The following RELN variants were observed in gnomAD, a reference collection of about 807,000 sequenced individuals.
The protein encoded by RELN is reelin.
RELN carries 108 observed loss-of-function variants against 427.6 expected under a neutral mutation model. The ratio of observed to expected loss-of-function variants is 0.25; its 90% CI spans 0.22 to 0.30. RELN has a LOEUF of 0.30. Among genes scored for constraint, RELN ranks in the 10% least tolerant of loss-of-function variants. The probability of loss-of-function intolerance (pLI) is 1.00; values close to 1 mark genes in which losing one functional copy is unlikely to be tolerated. For missense variants in RELN, 3,715 were observed against 4,302.8 expected (o/e 0.86, Z 3.82); for synonymous variants, 1,524 against 1,513.4 (o/e 1.01, Z -0.16).
chr7:103,892,711 C>A (rs543642400), intron 2 of RELN, among the ~76,000 whole-genome samples: 3 of 152,166 alleles, frequency 2.0e-5, no homozygotes, highest in East Asian at 1.9e-4. Context: ...GAGCATAAAA[C>A]CCTTATTCAA....
chr7:103,797,679 T>C (rs1285052722), intron 3 of RELN, among the ~76,000 whole-genome samples: 2 of 152,176 alleles, frequency 1.3e-5, no homozygotes, highest in African/African-American at 2.4e-5. Context: ...GCAGTGTAAT[T>C]TATTAAATTA....
intron 1 of RELN, among the ~76,000 whole-genome samples, chr7:103,955,977 T>C (rs1796424526): frequency 1.3e-5 from 2 of 152,188 alleles, no homozygotes. Context: ...CTAACCACTA[T>C]GTCTTTGGGT....
intron 8 of RELN, among the ~76,000 whole-genome samples, chr7:103,710,775 G>A (rs924629810): frequency 2.0e-5 from 3 of 152,220 alleles, no homozygotes; most frequent in African/African-American, 7.2e-5. Context: ...GCCGGGCGTG[G>A]TGGCTCATGC....
chr7:103,635,968 T>C (rs1292496905), intron 18 of RELN, among the ~76,000 whole-genome samples: 1 of 152,210 alleles, frequency 6.6e-6, no homozygotes, highest in East Asian at 1.9e-4. Context: ...AATAATTAAC[T>C]AGCTCTTGGC....
intron 10 of RELN, among the ~76,000 whole-genome samples, chr7:103,683,869 G>A (rs559689168): frequency 6.6e-6 from 1 of 152,228 alleles, no homozygotes; most frequent in South Asian, 2.1e-4. Context: ...AGATGGGACT[G>A]TCACTCTCTA....
chr7:103,484,354 C>G lies in RELN; in HGVS notation c.9984-504G>C, dbSNP rs1052727796. On this transcript the variant is annotated intron_variant, in intron 61 of 64. Coordinates refer to ENST00000428762, the MANE Select transcript of RELN (RefSeq NM_005045.4). ...AGGGGAGCGTAGCTACTTGTATACC[C>G]TTGACCAAAGACTGATCCTCCCCTG... The G allele has an allele frequency of 2.9e-5, 5 of 174,716 alleles. No homozygotes were observed. The East Asian group carries it at 5.9e-4, about 21-fold the overall frequency. The allele number at this position is 174,716 out of a possible 1,614,324, so 10.8% of individuals were successfully genotyped here.
At chr7:103,476,130 G>A (rs1302246854) in intron 64 of RELN, among the ~76,000 whole-genome samples, 1 of 152,086 alleles carries the variant, frequency 6.6e-6, no homozygotes, top group East Asian at 1.9e-4. Flanking sequence ...TATGCATATA[G>A]TAATGGACTT....
rs769890427 is a variant in RELN, at chr7:103,566,701, C to G, written c.4647G>C (p.Leu1549Phe). ...GTGGTTCCAGGAAGGACATGAAGTC[C>G]AACTCTCGAAGCAAATGCCAGAGTA... Reference protein sequence around the residue: ...NGILWHLLRELDFMSFLEPQI... With the variant: ...NGILWHLLREFDFMSFLEPQI... The change falls in exon 32 of 65, where the codon TTG becomes TTC. Residue 1549 changes from leucine (L) to phenylalanine (F), a missense_variant. This residue lies in a region of RELN where 2,208 missense variants were observed against 2,361.7 expected (regional missense o/e 0.93). Transcript: ENST00000428762. 6 of 1,614,084 alleles carry G rather than the reference C, an allele frequency of 3.7e-6. No homozygotes were observed. The highest frequency in any genetic ancestry group is 5.1e-6 in the Non-Finnish European group (6 of 1,179,948).
At chr7:103,481,963 G>A (rs1586466620) in intron 63 of RELN, 1 of 152,154 alleles carries the variant, frequency 6.6e-6, no homozygotes, top group South Asian at 2.1e-4. Flanking sequence ...TTGGATTTGG[G>A]GGTTGATATG....
chr7:103,592,761 T>C (rs1419461602), intron 27 of RELN, among the ~76,000 whole-genome samples: 1 of 152,204 alleles, frequency 6.6e-6, no homozygotes, highest in African/African-American at 2.4e-5. Flanking sequence ...AACAGCATAG[T>C]GTTCTGCAAA....
chr7:103,718,332 C>CAAAAAAAAAAAAAAAAAAATAAAAA (rs11300111), intron 8 of RELN, among the ~76,000 whole-genome samples: 1 of 130,992 alleles, frequency 7.6e-6, no homozygotes, highest in Non-Finnish European at 1.7e-5. Context: ...AACAAAGCAG[C>CAAAAAAAAAAAAAAAAAAATAAAAA]AAAAAAAAAA....
chr7:103,917,011 T>C (rs1346377699), intron 2 of RELN, 64 bp downstream of exon 2: 4 of 1,173,196 alleles, frequency 3.4e-6, no homozygotes, highest in Non-Finnish European at 1.3e-6. Flanking sequence ...ACAGATACTT[T>C]AAAACATAAG....
intron 16 of RELN, among the ~76,000 whole-genome samples, chr7:103,647,865 A>G (rs1272123473): frequency 2.0e-5 from 3 of 152,022 alleles, no homozygotes; most frequent in Non-Finnish European, 4.4e-5. Flanking sequence ...ATATACATCA[A>G]TGGAACAGAA....
intron 8 of RELN, among the ~76,000 whole-genome samples, chr7:103,706,508 GA>G (rs1834204030): frequency 6.6e-6 from 1 of 152,146 alleles, no homozygotes; most frequent in African/African-American, 2.4e-5. Flanking sequence ...CTAAGGTAAA[GA>G]AGTTAAAAAT....
At chr7:103,822,599 T>C (rs1162509018) in intron 3 of RELN, among the ~76,000 whole-genome samples, 2 of 152,086 alleles carry the variant, frequency 1.3e-5, no homozygotes. Context: ...TATTCATTCA[T>C]CTATTCAACA....
chr7:103,764,605 A>G (rs1044619956), intron 4 of RELN, among the ~76,000 whole-genome samples: 1 of 152,066 alleles, frequency 6.6e-6, no homozygotes, highest in African/African-American at 2.4e-5. Flanking sequence ...TGGGAGGCTG[A>G]GGCGAGTGGA....
In RELN at chr7:103,540,433, G is replaced by C. The variant is rs1265631630; in HGVS notation, c.6694C>G (p.Leu2232Val). 1.2e-6 allele frequency: 2 copies of C among 1,613,816 alleles called. No individual in the cohort carries two copies. The highest frequency in any genetic ancestry group is 1.7e-5 in the Admixed American group (1 of 59,994). ...HARFVQFFMR[L>V]GCGKGVPDPR... Reference sequence around the variant, plus strand: ...TCAGGAACGCCTTTACCACATCCCAGTCTCATGAAGAACTGCACAAATCTG... The same window carrying C: ...TCAGGAACGCCTTTACCACATCCCACTCTCATGAAGAACTGCACAAATCTG... The change falls in exon 44 of 65, where the codon CTG becomes GTG. Residue 2232 changes from leucine (L) to valine (V), a missense_variant. Transcript: ENST00000428762.
At chr7:103,714,212 T>TA (rs1376469427) in intron 8 of RELN, among the ~76,000 whole-genome samples, 1 of 152,258 alleles carries the variant, frequency 6.6e-6, no homozygotes, top group Non-Finnish European at 1.5e-5. Flanking sequence ...ACTACCTATA[T>TA]AAATTTGTTC....
At position 103,566,432 on chromosome 7, in the gene RELN, G is replaced by A; in HGVS notation, c.4748-20C>T. The A allele has an allele frequency of 6.2e-7, 1 of 1,612,524 alleles. No homozygotes were observed. The highest frequency in any genetic ancestry group is 8.5e-7 in the Non-Finnish European group (1 of 1,178,584). On this transcript the variant is annotated intron_variant, in intron 32 of 64. Transcript: ENST00000428762. Reference sequence around the variant, plus strand: ...GCTTCCCTGCAATCAGATGAATAAAGGTGGTTAGAGAAGTTTTGTTACATA... The same window carrying A: ...GCTTCCCTGCAATCAGATGAATAAAAGTGGTTAGAGAAGTTTTGTTACATA...
Sources: allele counts gnomAD v4.1 joint callset (sites outside exome capture counted in the v4.1 genomes callset), GRCh38; gene constraint gnomAD v4.1.1; regional missense constraint gnomAD v4.1.1; transcripts MANE v1.5; gene names NCBI Gene and HGNC (gene_info 2026-07-23, HGNC 2026-07-21).